MYO16: variants seen among roughly 807,000 people sequenced by gnomAD.
MYO16 encodes the protein myosin XVI.
MYO16 carries 94 observed loss-of-function variants against 205.3 expected under a neutral mutation model. The ratio of observed to expected loss-of-function variants is 0.46; its 90% CI spans 0.39 to 0.54. The LOEUF (loss-of-function observed/expected upper bound fraction) is 0.54, where lower values mean the gene tolerates loss of function less well. Ranked by LOEUF, MYO16 falls within the 20% of genes least tolerant of loss-of-function variation. The pLI is 0.00. For synonymous variants in MYO16, 988 were observed against 954.0 expected (o/e 1.04, Z -0.66); for missense variants, 2,315 against 2,387.5 (o/e 0.97, Z 0.63).
chr13:109,194,664 A>T (rs1277313359), intron 34 of MYO16, among the ~76,000 whole-genome samples: 1 of 152,174 alleles, frequency 6.6e-6, no homozygotes, highest in East Asian at 1.9e-4. Context: ...GGGTTGAAAT[A>T]TAGAGACTGT....
chr13:109,115,682 GA>G (rs149839802), intron 28 of MYO16, among the ~76,000 whole-genome samples: 1,935 of 150,202 alleles, frequency 0.013, 45 homozygotes, highest in African/African-American at 0.044. Context: ...CATTCCACAG[GA>G]AAAAAAAATC....
At chr13:109,032,008 A>G (rs1463406570) in intron 23 of MYO16, among the ~76,000 whole-genome samples, 1 of 152,042 alleles carries the variant, frequency 6.6e-6, no homozygotes, top group Non-Finnish European at 1.5e-5. Flanking sequence ...ACTGATGTGC[A>G]TTGTTTCACT....
chr13:109,138,978 C>G (rs1030690575), intron 31 of MYO16, among the ~76,000 whole-genome samples: 1 of 152,086 alleles, frequency 6.6e-6, no homozygotes. Flanking sequence ...GCCACCTCGC[C>G]CAGCTAATTT....
chr13:109,002,313 A>G (rs939640051), intron 21 of MYO16, among the ~76,000 whole-genome samples: 3 of 152,154 alleles, frequency 2.0e-5, no homozygotes, highest in African/African-American at 4.8e-5. Context: ...TGTTTCAGAT[A>G]TGTTTCACTG....
intron 1 of MYO16, among the ~76,000 whole-genome samples, chr13:108,598,677 T>C (rs1489450023): frequency 6.6e-6 from 1 of 152,190 alleles, no homozygotes; most frequent in African/African-American, 2.4e-5. Context: ...AATTCTTATG[T>C]GATTTGTAAG....
At chr13:108,603,787 T>C (rs1878853587) in intron 1 of MYO16, among the ~76,000 whole-genome samples, 1 of 152,220 alleles carries the variant, frequency 6.6e-6, no homozygotes, top group Non-Finnish European at 1.5e-5. Context: ...TTTGCCTGTC[T>C]CTCAGTCAAG....
intron 32 of MYO16, among the ~76,000 whole-genome samples, chr13:109,147,857 G>A (rs1877423878): frequency 6.6e-6 from 1 of 152,074 alleles, no homozygotes; most frequent in South Asian, 2.1e-4. Flanking sequence ...TTTTCCAAAC[G>A]AGTAAGTCCT....
chr13:108,679,609 A>G (rs1489922273), intron 2 of MYO16, among the ~76,000 whole-genome samples: 2 of 151,718 alleles, frequency 1.3e-5, no homozygotes, highest in Admixed American at 6.6e-5. Context: ...GTTTATTGCA[A>G]CTGCCCCTAA....
chr13:108,664,765 A>G (rs563005748), intron 1 of MYO16, among the ~76,000 whole-genome samples: 3 of 152,330 alleles, frequency 2.0e-5, no homozygotes, highest in South Asian at 4.1e-4. Context: ...TGCCAATAGT[A>G]AAATTTTAAC....
the MYO16 span, among the ~76,000 whole-genome samples, chr13:108,528,212 G>A: frequency 2.0e-5 from 3 of 152,282 alleles, no homozygotes; most frequent in South Asian, 2.1e-4. Flanking sequence ...TACCATATCC[G>A]ACAGCCTTTT....
intron 21 of MYO16, 114 bp from the exon 22 acceptor site, chr13:109,008,783 C>G: frequency 1.4e-5 from 8 of 570,994 alleles, no homozygotes; most frequent in Non-Finnish European, 3.0e-6. Flanking sequence ...ACTGTACTAT[C>G]TATCTTGTGT....
At chr13:108,780,264 C>T (rs1371558181) in intron 4 of MYO16, among the ~76,000 whole-genome samples, 2 of 151,652 alleles carry the variant, frequency 1.3e-5, no homozygotes, top group Non-Finnish European at 2.9e-5. Flanking sequence ...GAAAGCAAGG[C>T]ATTTTTTTCA....
chr13:108,838,002 GA>G (rs888215514), intron 9 of MYO16, among the ~76,000 whole-genome samples: 1 of 151,838 alleles, frequency 6.6e-6, no homozygotes, highest in Non-Finnish European at 1.5e-5. Flanking sequence ...TGATAAAGAA[GA>G]AAAAAATATG....
intron 4 of MYO16, among the ~76,000 whole-genome samples, chr13:108,779,005 G>A (rs4771605): frequency 0.34 from 51,246 of 151,704 alleles, 9,769 homozygotes; most frequent in East Asian, 0.62. Context: ...CATTATTTCT[G>A]CCATAATGGC....
At chr13:109,176,063 G>T (rs907249978) in intron 33 of MYO16, among the ~76,000 whole-genome samples, 7 of 152,090 alleles carry the variant, frequency 4.6e-5, no homozygotes, top group African/African-American at 1.7e-4. Flanking sequence ...GGATAAAAAT[G>T]GATAAAATTG....
intron 27 of MYO16, among the ~76,000 whole-genome samples, chr13:109,060,753 T>C (rs1887567366): frequency 6.6e-6 from 1 of 152,276 alleles, no homozygotes; most frequent in South Asian, 2.1e-4. Flanking sequence ...CCTAGGATTT[T>C]TGGAATTGCA....
At chr13:108,880,345 G>A (rs1159031833) in intron 12 of MYO16, among the ~76,000 whole-genome samples, 7 of 152,128 alleles carry the variant, frequency 4.6e-5, no homozygotes, top group Admixed American at 2.0e-4. Flanking sequence ...TTCTTTTGCT[G>A]TGCAGAAGCT....
At chr13:108,869,568 CA>C (rs35097052) in intron 12 of MYO16, among the ~76,000 whole-genome samples, 108,796 of 143,068 alleles carry the variant, frequency 0.76, 41,143 homozygotes, top group South Asian at 0.81. Flanking sequence ...ACTAAAAATA[CA>C]AAAAAAAAAA....
At chr13:109,184,897 T>C (rs1879620709) in intron 34 of MYO16, among the ~76,000 whole-genome samples, 1 of 152,162 alleles carries the variant, frequency 6.6e-6, no homozygotes, top group Non-Finnish European at 1.5e-5. Context: ...GCCTCCTGAG[T>C]AGCTGGGGCT....
Sources: allele counts gnomAD v4.1 joint callset (sites outside exome capture counted in the v4.1 genomes callset), GRCh38; gene constraint gnomAD v4.1.1; transcripts MANE v1.5; gene names NCBI Gene and HGNC (gene_info 2026-07-23, HGNC 2026-07-21).